SLC8A2: variants seen among roughly 807,000 people sequenced by gnomAD.
SLC8A2 encodes sodium/calcium exchanger 2.
SLC8A2 carries 14 observed loss-of-function variants against 70.2 expected under a neutral mutation model. That is an observed-to-expected ratio of 0.20 (90% CI 0.13 to 0.31). The LOEUF (loss-of-function observed/expected upper bound fraction) is 0.31, where lower values mean the gene tolerates loss of function less well. SLC8A2 is among the 10% of genes least tolerant of loss of function. SLC8A2 has a pLI of 1.00. For missense variants in SLC8A2, 779 were observed against 1,320.1 expected (o/e 0.59, Z 6.35); for synonymous variants, 575 against 594.3 (o/e 0.97, Z 0.47).
intron 8 of SLC8A2, among the ~76,000 whole-genome samples, chr19:47,435,201 G>A (rs779103678): frequency 5.3e-5 from 8 of 151,904 alleles, no homozygotes; most frequent in African/African-American, 1.7e-4. Context: ...CTGGATGACA[G>A]AGACTACATA....
At chr19:47,461,680 G>A (rs575092970) in intron 2 of SLC8A2, among the ~76,000 whole-genome samples, 29 of 152,352 alleles carry the variant, frequency 1.9e-4, no homozygotes, top group African/African-American at 6.0e-4. Context: ...AAAAGGAGCC[G>A]AATGTTCAGC....
intron 2 of SLC8A2, among the ~76,000 whole-genome samples, chr19:47,463,156 G>A (rs531421471): frequency 1.3e-5 from 2 of 150,854 alleles, no homozygotes; most frequent in East Asian, 2.0e-4. Flanking sequence ...TTTTTGAGAC[G>A]GAGTCTCGCT....
Position 47,431,441 on chromosome 19 carries a change from G to C in SLC8A2, c.2389+726C>G, listed in dbSNP as rs558641715. Among the ~76,000 whole-genome samples, 7 of 149,776 alleles carry C rather than the reference G, an allele frequency of 4.7e-5. No individual in the cohort carries two copies. In the East Asian group the frequency reaches 1.5e-3, roughly 32 times the overall value. On this transcript the variant is annotated intron_variant, in intron 9 of 9. Transcript: ENST00000236877. Reference sequence around the variant, plus strand: ...AGAGGTGGGCGGATCACGAGGTCAGGAGTTCGAGACCAGCCTGGCCAATAT... The same window carrying C: ...AGAGGTGGGCGGATCACGAGGTCAGCAGTTCGAGACCAGCCTGGCCAATAT...
At chr19:47,452,308 G>A (rs1432261137) in intron 3 of SLC8A2, among the ~76,000 whole-genome samples, 1 of 151,544 alleles carries the variant, frequency 6.6e-6, no homozygotes, top group African/African-American at 2.4e-5. Context: ...TCTGCCTCCT[G>A]GGCTCAAGCG....
chr19:47,432,531 C>G lies in SLC8A2; in HGVS notation c.2111-86G>C. 2.3e-6 allele frequency: 3 copies of G among 1,327,982 alleles called. No individual in the cohort carries two copies. The highest frequency in any genetic ancestry group is 2.0e-6 in the Non-Finnish European group (2 of 978,164). The allele number at this position is 1,327,982 out of a possible 1,614,324, so 82.3% of individuals were successfully genotyped here. On this transcript the variant is annotated intron_variant, in intron 8 of 9. Coordinates refer to ENST00000236877, the MANE Select transcript of SLC8A2 (RefSeq NM_015063.3). This position sits in a 1 kb window ranked among gnomAD's most constrained non-coding sequence, Gnocchi z 6.2. ...CCCATTTTGTCTAACTTCCTGACAG[C>G]AAGTCCCATTGAATGAACTTCTTTC...
chr19:47,470,548 G>A (rs1006727598), intron 1 of SLC8A2, among the ~76,000 whole-genome samples: 1 of 152,158 alleles, frequency 6.6e-6, no homozygotes, highest in African/African-American at 2.4e-5. Context: ...CCAGGAAAGG[G>A]ATGGAAGTGA....
chr19:47,457,962 T>C (rs1036873150), intron 2 of SLC8A2, among the ~76,000 whole-genome samples: 3 of 152,042 alleles, frequency 2.0e-5, no homozygotes, highest in African/African-American at 7.2e-5. Flanking sequence ...GCAGTTTTCC[T>C]GCCTCAGCCT....
intron 1 of SLC8A2, among the ~76,000 whole-genome samples, chr19:47,467,281 C>G (rs73940851): frequency 0.037 from 5,671 of 152,274 alleles, 329 homozygotes; most frequent in African/African-American, 0.13. Flanking sequence ...CAAAAGCACT[C>G]AAACTGCAAA....
At chr19:47,451,893 C>T (rs189368426) in intron 3 of SLC8A2, among the ~76,000 whole-genome samples, 178 of 152,164 alleles carry the variant, frequency 1.2e-3, no homozygotes, top group Non-Finnish European at 5.1e-4. Context: ...AGAAACTGAT[C>T]CAGACTGAAG....
At chr19:47,449,608 G>A (rs958764822) in intron 3 of SLC8A2, among the ~76,000 whole-genome samples, 14 of 152,302 alleles carry the variant, frequency 9.2e-5, no homozygotes, top group African/African-American at 3.1e-4. Flanking sequence ...ACAGGCGTGA[G>A]CAACCGTGCC....
At chr19:47,437,704 A>T (rs756409345) in intron 7 of SLC8A2, 143 bp from the exon 8 acceptor site, 30 of 1,177,882 alleles carry the variant, frequency 2.5e-5, no homozygotes, top group Non-Finnish European at 3.7e-5. Flanking sequence ...AAGCAAGGAA[A>T]AGGGAGGCAT....
intron 2 of SLC8A2, among the ~76,000 whole-genome samples, chr19:47,459,252 C>T (rs1306728907): frequency 6.6e-6 from 1 of 152,122 alleles, no homozygotes; most frequent in Non-Finnish European, 1.5e-5. Flanking sequence ...CCATCGCTCT[C>T]TGCGTGTGCT....
intron 1 of SLC8A2, among the ~76,000 whole-genome samples, chr19:47,469,152 G>A (rs1332397117): frequency 6.6e-6 from 1 of 151,628 alleles, no homozygotes; most frequent in Non-Finnish European, 1.5e-5. Context: ...GTGTGTGTGT[G>A]TGCAGGCAAG....
intron 1 of SLC8A2, among the ~76,000 whole-genome samples, chr19:47,467,675 C>T (rs1967480827): frequency 6.6e-6 from 1 of 151,946 alleles, no homozygotes; most frequent in Admixed American, 6.6e-5. Context: ...GTGGCTATTA[C>T]CGTGTCTTAT....
At position 47,457,129 on chromosome 19, in the gene SLC8A2, G is replaced by GCGC; in HGVS notation, c.1138_1140dup (p.Ala380dup). The GCGC allele has an allele frequency of 1.3e-6, 2 of 1,543,040 alleles. No individual in the cohort carries two copies. Among genetic ancestry groups the GCGC allele is most frequent in the Non-Finnish European group, 1.7e-6 (2 of 1,144,378 alleles). ...TCGTCCTCGCCCGCGCCCTCGGCCG[G>GCGC]CGCCGCCCTGCGCGAGGCGTCCGCC... On this transcript the variant is annotated inframe_insertion, in exon 3 of 10. Coordinates refer to ENST00000236877, the MANE Select transcript of SLC8A2 (RefSeq NM_015063.3).
Position 47,429,871 on chromosome 19 carries a change from G to C in SLC8A2, c.*218C>G. 2 of 600,312 alleles carry C rather than the reference G, an allele frequency of 3.3e-6. No homozygotes were observed. The highest frequency in any genetic ancestry group is 5.9e-6 in the Non-Finnish European group (2 of 339,634). The allele number at this position is 600,312 out of a possible 1,614,324, so 37.2% of individuals were successfully genotyped here. A position where few individuals can be genotyped will look rare whatever the true frequency, so the allele number is the denominator to read the frequency against. On this transcript the variant is annotated 3_prime_UTR_variant, in exon 10 of 10. Coordinates refer to ENST00000236877, the MANE Select transcript of SLC8A2 (RefSeq NM_015063.3). ...TGGGCTGGAGTTGGGGTCACCGCAG[G>C]GGAGGAACCGGGGAGGCTCCCGAGA... is the stretch of plus-strand genomic sequence containing the variant.
chr19:47,459,369 T>C (rs1967359722), intron 2 of SLC8A2, among the ~76,000 whole-genome samples: 1 of 152,124 alleles, frequency 6.6e-6, no homozygotes, highest in Non-Finnish European at 1.5e-5. Flanking sequence ...TCGGTCTCCT[T>C]GGCTCCATCT....
chr19:47,447,797 G>C lies in SLC8A2; in HGVS notation c.1763+12C>G. The C allele has an allele frequency of 1.9e-6, 3 of 1,575,870 alleles. No individual in the cohort carries two copies. The highest frequency in any genetic ancestry group is 2.6e-6 in the Non-Finnish European group (3 of 1,170,984). ...GCCCCGCCCCTCTCCGGGCCGCCTC[G>C]GGCGTGCTCACATGGTCTCGTCGTC... On this transcript the variant is annotated intron_variant, in intron 4 of 9. Coordinates refer to ENST00000236877, the MANE Select transcript of SLC8A2 (RefSeq NM_015063.3). This position sits in a 1 kb window ranked among gnomAD's most constrained non-coding sequence, Gnocchi z 5.1.
rs1966941141 is a variant in SLC8A2 at position 47,430,412 on chromosome 19, T to C, written c.2443A>G (p.Ile815Val). ...GCGTTGGAGCCGGTCACGTTGCCGA[T>C]GGACGCGTCGGCGCACTGGTCCTGC... is the stretch of plus-strand genomic sequence containing the variant. The part of the protein sequence containing the change: ...ALQDQCADAS[I>V]GNVTGSNAVN... The change falls in exon 10 of 10, where the codon ATC (isoleucine) becomes GTC (valine). Residue 815 changes from isoleucine (I) to valine (V), a missense_variant. Around this residue, in one of 6 missense-constraint regions of SLC8A2, gnomAD observed 108 missense variants for 269.6 expected, o/e 0.40. Coordinates refer to ENST00000236877, the MANE Select transcript of SLC8A2 (RefSeq NM_015063.3). The surrounding 1 kb of genome is among the most constrained non-coding windows in gnomAD (Gnocchi z 5.9). 1 of 1,609,344 alleles carries C rather than the reference T, an allele frequency of 6.2e-7. No individual in the cohort carries two copies. Among genetic ancestry groups the C allele is most frequent in the Non-Finnish European group, 8.5e-7 (1 of 1,178,850 alleles).
Sources: allele counts gnomAD v4.1 joint callset (sites outside exome capture counted in the v4.1 genomes callset), GRCh38; gene constraint gnomAD v4.1.1; regional missense constraint gnomAD v4.1.1; non-coding constraint Gnocchi (gnomAD v3.1); transcripts MANE v1.5; gene names NCBI Gene and HGNC (gene_info 2026-07-23, HGNC 2026-07-21).